CDCP1: variants seen among roughly 807,000 people sequenced by gnomAD.
CDCP1 encodes CUB domain containing protein 1.
In CDCP1, 29 loss-of-function variants were observed where a neutral mutation model predicts 60.2. That is an observed-to-expected ratio of 0.48 (90% CI 0.36 to 0.66). The LOEUF is 0.66. CDCP1 is among the 30% of genes least tolerant of loss of function. The pLI, the probability that CDCP1 is intolerant of heterozygous loss-of-function variation, is 0.00. For missense variants in CDCP1, 876 were observed against 1,074.3 expected, an observed-to-expected ratio of 0.82 and a Z score of 2.58; for synonymous variants, 387 against 431.1, an observed-to-expected ratio of 0.90 and a Z score of 1.27.
At chr3:45,096,878 G>C (rs941564776) in intron 4 of CDCP1, among the ~76,000 whole-genome samples, 4 of 152,160 alleles carry the variant, frequency 2.6e-5, no homozygotes, top group African/African-American at 7.2e-5. Context: ...GACAGACTGA[G>C]TGGTCAAGGA....
chr3:45,132,861 C>G (rs1405237183), intron 1 of CDCP1, among the ~76,000 whole-genome samples: 1 of 152,170 alleles, frequency 6.6e-6, no homozygotes. Context: ...AAGATGCCCT[C>G]CAGTGACTCA....
At chr3:45,123,524 T>C (rs1447488260) in intron 1 of CDCP1, among the ~76,000 whole-genome samples, 2 of 152,222 alleles carry the variant, frequency 1.3e-5, no homozygotes, top group Non-Finnish European at 2.9e-5. Context: ...TGGCTGTCAT[T>C]TTTAATGATC....
Position 45,133,621 on chromosome 3 carries a change from G to A in CDCP1, c.82+12585C>T. 1.1e-4 allele frequency among the ~76,000 whole-genome samples: 2 copies of A among 17,450 alleles called. 1 individual carries two copies. Among genetic ancestry groups the A allele is most frequent in the South Asian group, 4.3e-3 (2 of 468 alleles). 11.4% of individuals were successfully genotyped at this position (17,450 alleles called of 152,430 possible). On this transcript the variant is annotated intron_variant, in intron 1 of 8. Transcript: ENST00000296129. ...TAGTCCCAGCTACTTGGGAGGCTGA[G>A]GCAGGAGAATGGCGTGAACCCGGGA...
At chr3:45,118,138 C>T (rs1377301514) in intron 2 of CDCP1, among the ~76,000 whole-genome samples, 5 of 152,204 alleles carry the variant, frequency 3.3e-5, no homozygotes, top group Admixed American at 1.3e-4. Context: ...CTGGGTTCTT[C>T]TCCTGATCTT....
intron 1 of CDCP1, among the ~76,000 whole-genome samples, chr3:45,123,640 C>T (rs1005919466): frequency 1.3e-5 from 2 of 152,292 alleles, no homozygotes. Flanking sequence ...TCTCTCCTGA[C>T]CCCCACCAAT....
intron 1 of CDCP1, among the ~76,000 whole-genome samples, chr3:45,144,176 T>C (rs1699342554): frequency 6.6e-6 from 1 of 152,206 alleles, no homozygotes; most frequent in South Asian, 2.1e-4. Flanking sequence ...ACACAAACTT[T>C]CCTTTACTTT....
intron 2 of CDCP1, among the ~76,000 whole-genome samples, chr3:45,116,260 T>C (rs962387147): frequency 8.2e-6 from 1 of 122,030 alleles, no homozygotes; most frequent in Non-Finnish European, 1.8e-5. Context: ...AAAAAAGACA[T>C]CTAAAGTCAT....
chr3:45,108,926 TGCATGTATAC>T (rs1439156925), intron 4 of CDCP1, among the ~76,000 whole-genome samples: 6 of 57,214 alleles, frequency 1.0e-4, no homozygotes, highest in South Asian at 7.9e-4. Context: ...TATATATATA[TGCATGTATAC>T]ATATATATAT....
intron 4 of CDCP1, among the ~76,000 whole-genome samples, chr3:45,098,267 T>C (rs898728163): frequency 2.6e-5 from 4 of 152,104 alleles, no homozygotes; most frequent in Non-Finnish European, 5.9e-5. Context: ...GGCGTGATCA[T>C]AGCTCACTGC....
intron 1 of CDCP1, among the ~76,000 whole-genome samples, chr3:45,145,280 C>T (rs1699358204): frequency 6.6e-6 from 1 of 152,156 alleles, no homozygotes; most frequent in African/African-American, 2.4e-5. Flanking sequence ...CACATGGCTT[C>T]CTGGAGAGCT....
At chr3:45,126,849 C>T (rs183575635) in intron 1 of CDCP1, among the ~76,000 whole-genome samples, 26 of 152,116 alleles carry the variant, frequency 1.7e-4, no homozygotes, top group Admixed American at 9.2e-4. Context: ...AATATTAAAC[C>T]CCATTGTACA....
chr3:45,110,683 A>G lies in CDCP1; in HGVS notation c.814T>C (p.Ser272Pro). Reference protein sequence around the residue: ...ASVSFLNFNLSNCERKEERVE... With the variant: ...ASVSFLNFNLPNCERKEERVE... ...CGCTCCTCCTTCCTCTCACAGTTGG[A>G]GAGGTTGAAGTTGAGGAAGGAGACG... The change falls in exon 4 of 9, where the codon TCC (serine) becomes CCC (proline). Residue 272 changes from serine to proline, a missense_variant. Ser to Pro is a moderately conservative substitution (Grantham distance 74). Transcript: ENST00000296129. 6.2e-7 allele frequency: 1 copy of G among 1,614,086 alleles called. No individual in the cohort carries two copies.
chr3:45,098,409 C>T (rs185227006), intron 4 of CDCP1, among the ~76,000 whole-genome samples: 2 of 152,070 alleles, frequency 1.3e-5, no homozygotes, highest in Non-Finnish European at 2.9e-5. Flanking sequence ...AGAAATATAA[C>T]AAATCCGTGA....
In CDCP1 at chr3:45,110,572, A is replaced by G. The variant is rs1185593700; in HGVS notation, c.925T>C (p.Phe309Leu). 6.2e-7 allele frequency: 1 copy of G among 1,614,188 alleles called. No homozygotes were observed. Among genetic ancestry groups the G allele is most frequent in the Non-Finnish European group, 8.5e-7 (1 of 1,180,036 alleles). Residue 309 changes from phenylalanine to leucine, a missense_variant, in exon 4 of 9, where the codon TTC becomes CTC. Physicochemically the swap from Phe to Leu is conservative, Grantham distance 22. This residue lies in a region of CDCP1 where 726 missense variants were observed against 935.7 expected (regional missense o/e 0.78). Transcript: ENST00000296129. Reference protein sequence around the residue: ...DKQPGNMAGNFNLSLQGCDQD... With the variant: ...DKQPGNMAGNLNLSLQGCDQD... ...TCACAGCCTTGCAGAGAGAGGTTGAAGTTCCCCGCCATGTTCCCAGGCTGC... is the reference window on the plus strand; with the variant it reads ...TCACAGCCTTGCAGAGAGAGGTTGAGGTTCCCCGCCATGTTCCCAGGCTGC...
Position 45,097,179 on chromosome 3 carries a change from C to T in CDCP1, c.1025-1611G>A, listed in dbSNP as rs143135194. ...AAAATTAGCTGGGCATGGTGGTGGG[C>T]GCCTGTAATCCCAGCTACTCGGGAA... is the stretch of plus-strand genomic sequence containing the variant. On this transcript the variant is annotated intron_variant, in intron 4 of 8. Coordinates refer to ENST00000296129, the MANE Select transcript of CDCP1 (RefSeq NM_022842.5). Among the ~76,000 whole-genome samples, 545 of 151,578 alleles carry T rather than the reference C, an allele frequency of 3.6e-3. 1 individual carries two copies. The highest frequency in any genetic ancestry group is 0.012 in the African/African-American group (510 of 41,308).
At chr3:45,099,781 T>G (rs1698459734) in intron 4 of CDCP1, among the ~76,000 whole-genome samples, 1 of 151,944 alleles carries the variant, frequency 6.6e-6, no homozygotes, top group Admixed American at 6.6e-5. Context: ...CTCCAAGAGT[T>G]CCTTTGAACT....
In CDCP1 at chr3:45,093,608, C is replaced by T; in HGVS notation, c.1296G>A (p.Val432=). The change falls in exon 6 of 9, where the codon GTG becomes GTA. Residue 432 remains valine (V), a synonymous_variant. Transcript: ENST00000296129. ...YCQRKSYSLQ[V]PSDILHLPVE... is the part of the protein sequence containing the mutation. Reference sequence around the variant, plus strand: ...CAGGCAGGTGGAGGATGTCACTGGGCACCTGGAGTGAGTAGGATTTCCTTT... The same window carrying T: ...CAGGCAGGTGGAGGATGTCACTGGGTACCTGGAGTGAGTAGGATTTCCTTT... The T allele has an allele frequency of 6.2e-7, 1 of 1,614,040 alleles. No homozygotes were observed. The highest frequency in any genetic ancestry group is 8.5e-7 in the Non-Finnish European group (1 of 1,180,034).
chr3:45,137,248 T>A (rs565067361), intron 1 of CDCP1, among the ~76,000 whole-genome samples: 1 of 152,334 alleles, frequency 6.6e-6, no homozygotes, highest in African/African-American at 2.4e-5. Context: ...CCATATGTAC[T>A]GTTCTGATCC....
chr3:45,088,029 A>AG (rs1312600811), intron 8 of CDCP1, among the ~76,000 whole-genome samples: 1 of 151,872 alleles, frequency 6.6e-6, no homozygotes, highest in East Asian at 1.9e-4. Flanking sequence ...TTAAAAAAAA[A>AG]AAGAATTTTT....
Sources: gnomAD v4.1 joint callset for allele counts (sites outside exome capture counted in the v4.1 genomes callset) on GRCh38, gnomAD v4.1.1 for gene constraint, gnomAD v4.1.1 regional missense constraint, MANE v1.5 for transcripts, NCBI Gene and HGNC (gene_info 2026-07-23, HGNC 2026-07-21) for gene names.